Variants in ACOT7 observed in about 807,000 individuals in gnomAD.
ACOT7 encodes the protein acyl-CoA thioesterase 7.
A neutral mutation model predicts 40.2 loss-of-function variants in ACOT7; 12 were observed. That is an observed-to-expected ratio of 0.30 (90% confidence interval 0.19 to 0.48). ACOT7 has a LOEUF of 0.48. Ranked by LOEUF, ACOT7 falls within the 20% of genes least tolerant of loss-of-function variation. The pLI is 0.99. For missense variants in ACOT7, 395 were observed against 530.8 expected (o/e 0.74, Z 2.51); for synonymous variants, 228 against 219.5 (o/e 1.04, Z -0.34).
At chr1:6,304,921 G>C (rs1365181550) in intron 6 of ACOT7, among the ~76,000 whole-genome samples, 2 of 144,102 alleles carry the variant, frequency 1.4e-5, no homozygotes, top group Admixed American at 6.7e-5. Context: ...ACACCTCCCA[G>C]ACAGGGTGGT....
chr1:6,350,571 A>G (rs1174189309), intron 1 of ACOT7, among the ~76,000 whole-genome samples: 1 of 152,386 alleles, frequency 6.6e-6, no homozygotes, highest in South Asian at 2.1e-4. Context: ...AATCCCAACA[A>G]GCCAGCTTGG....
chr1:6,348,712 G>A (rs1389101353), intron 2 of ACOT7, among the ~76,000 whole-genome samples: 2 of 152,250 alleles, frequency 1.3e-5, no homozygotes, highest in Non-Finnish European at 2.9e-5. Context: ...AGGACTGTGA[G>A]AAATGCATTT....
chr1:6,323,410 C>T (rs1298090364), intron 5 of ACOT7, among the ~76,000 whole-genome samples: 1 of 152,084 alleles, frequency 6.6e-6, no homozygotes, highest in East Asian at 1.9e-4. Context: ...CAGATGAGGT[C>T]TAGTCCCTGA....
intron 5 of ACOT7, 67 bp downstream of exon 5, chr1:6,327,232 C>A (rs889060479): frequency 7.3e-5 from 111 of 1,513,182 alleles, no homozygotes; most frequent in Non-Finnish European, 9.8e-5. Context: ...GTAGGCCCGG[C>A]CTGCTCCTGC....
chr1:6,295,510 C>T (rs575251264), intron 6 of ACOT7: 2 of 153,450 alleles, frequency 1.3e-5, no homozygotes, highest in Admixed American at 1.3e-4. Context: ...AGAGCTTTCA[C>T]AGCAGCATGT....
chr1:6,307,087 G>C (rs1050980958), intron 6 of ACOT7, among the ~76,000 whole-genome samples: 1 of 152,208 alleles, frequency 6.6e-6, no homozygotes, highest in African/African-American at 2.4e-5. Flanking sequence ...CCAGCAGCTA[G>C]ACACCTGCAT....
chr1:6,298,873 CGT>C (rs938495093), intron 6 of ACOT7, among the ~76,000 whole-genome samples: 12 of 152,214 alleles, frequency 7.9e-5, no homozygotes, highest in African/African-American at 2.7e-4. Context: ...TAGGATCATC[CGT>C]GTGTCAATAT....
chr1:6,306,993 C>T lies in ACOT7; in HGVS notation c.712+11499G>A. The T allele has an allele frequency of 8.7e-7, 1 of 1,144,500 alleles. No homozygotes were observed. 70.9% of individuals were successfully genotyped at this position (1,144,500 alleles called of 1,614,324 possible). The stretch of plus-strand genomic sequence containing the variant: ...CCCCTCCCATGTTTTCTCTGCCTTC[C>T]CTTTCCTCTGCCTCCTCCTATAGTC... On this transcript the variant is annotated intron_variant, in intron 6 of 8. Coordinates refer to ENST00000361521, the MANE Select transcript of ACOT7 (RefSeq NM_007274.4). The surrounding 1 kb of genome is among the most constrained non-coding windows in gnomAD (Gnocchi z 4.3).
chr1:6,334,238 C>T (rs1377990796), intron 3 of ACOT7, among the ~76,000 whole-genome samples: 2 of 152,234 alleles, frequency 1.3e-5, no homozygotes, highest in Non-Finnish European at 2.9e-5. Context: ...TGACATCGAA[C>T]GTCAAAATCA....
At chr1:6,277,371 GCCC>G (rs1571262631) in intron 8 of ACOT7, among the ~76,000 whole-genome samples, 1 of 152,330 alleles carries the variant, frequency 6.6e-6, no homozygotes, top group African/African-American at 2.4e-5. Context: ...CTGGGAGGAT[GCCC>G]CCCACTATCA....
chr1:6,384,908 GT>G (rs1268897882), intron 1 of ACOT7, among the ~76,000 whole-genome samples: 1 of 151,948 alleles, frequency 6.6e-6, no homozygotes, highest in Admixed American at 6.5e-5. Flanking sequence ...GTACACATTA[GT>G]GAATGAATTG....
chr1:6,385,591 G>A (rs1486811355), intron 1 of ACOT7: 1 of 1,612,074 alleles, frequency 6.2e-7, no homozygotes, highest in Non-Finnish European at 8.5e-7. Context: ...ACACATCCCT[G>A]GCCAGCCACC....
At chr1:6,335,949 C>A (rs1478218536) in intron 3 of ACOT7, among the ~76,000 whole-genome samples, 2 of 152,208 alleles carry the variant, frequency 1.3e-5, no homozygotes, top group Non-Finnish European at 1.5e-5. Flanking sequence ...ACTCGAGTGG[C>A]CCTCTGGACC....
At chr1:6,341,163 ATGG>A (rs1351681206) in intron 2 of ACOT7, among the ~76,000 whole-genome samples, 4 of 149,818 alleles carry the variant, frequency 2.7e-5, no homozygotes, top group African/African-American at 9.8e-5. Context: ...TTTTTTTGAG[ATGG>A]AGTCTCACTC....
intron 5 of ACOT7, among the ~76,000 whole-genome samples, chr1:6,322,418 G>T (rs1640670925): frequency 6.6e-6 from 1 of 152,268 alleles, no homozygotes; most frequent in Admixed American, 6.5e-5. Flanking sequence ...GAAGGGAGGG[G>T]AGGCGGTTTG....
intron 2 of ACOT7, among the ~76,000 whole-genome samples, chr1:6,343,388 T>C (rs772683784): frequency 9.2e-5 from 14 of 152,212 alleles, no homozygotes; most frequent in Admixed American, 2.6e-4. Context: ...CTGAGCCCTT[T>C]CCCAGGTGAC....
intron 6 of ACOT7, among the ~76,000 whole-genome samples, chr1:6,313,325 C>T (rs905206653): frequency 6.6e-6 from 1 of 152,194 alleles, no homozygotes; most frequent in African/African-American, 2.4e-5. Context: ...AGCAGACAGG[C>T]AGAGGTTGCG....
chr1:6,298,364 A>C (rs1639871570), intron 6 of ACOT7, among the ~76,000 whole-genome samples: 3 of 152,056 alleles, frequency 2.0e-5, no homozygotes, highest in Non-Finnish European at 4.4e-5. Context: ...CAAACTCCTG[A>C]CTTCAAGTGA....
chr1:6,335,870 T>C (rs1641087567), intron 3 of ACOT7, among the ~76,000 whole-genome samples: 1 of 152,220 alleles, frequency 6.6e-6, no homozygotes, highest in Admixed American at 6.5e-5. Flanking sequence ...TCTGACAACC[T>C]GCTTTTGGGA....
Sources: allele counts gnomAD v4.1 joint callset (sites outside exome capture counted in the v4.1 genomes callset), GRCh38; gene constraint gnomAD v4.1.1; non-coding constraint Gnocchi (gnomAD v3.1); transcripts MANE v1.5; gene names NCBI Gene and HGNC (gene_info 2026-07-23, HGNC 2026-07-21).